PTPRN2: variants seen among roughly 807,000 people sequenced by gnomAD.
PTPRN2 encodes the protein receptor-type tyrosine-protein phosphatase N2.
In PTPRN2, 74 loss-of-function variants were observed where a neutral mutation model predicts 118.8. The observed-to-expected ratio is 0.62, with a 90% CI of 0.52 to 0.76. The LOEUF is 0.76. Among genes scored for constraint, PTPRN2 ranks in the 30% least tolerant of loss-of-function variants. PTPRN2 has a pLI of 0.00. For missense variants in PTPRN2, 1,481 were observed against 1,394.4 expected, an observed-to-expected ratio of 1.06 and a Z score of -0.99; for synonymous variants, 641 against 608.0, an observed-to-expected ratio of 1.05 and a Z score of -0.80.
intron 2 of PTPRN2, among the ~76,000 whole-genome samples, chr7:158,320,283 G>A (rs946477237): frequency 5.3e-5 from 8 of 152,274 alleles, no homozygotes; most frequent in Admixed American, 2.6e-4. Flanking sequence ...AGACCAACAC[G>A]AGTGACTGCT....
chr7:157,566,352 T>A (rs1799484496), intron 21 of PTPRN2, among the ~76,000 whole-genome samples: 1 of 152,228 alleles, frequency 6.6e-6, no homozygotes, highest in African/African-American at 2.4e-5. Flanking sequence ...AGTGGGGGCC[T>A]CCAGCTTCTC....
At chr7:157,672,167 C>A (rs550845856) in intron 13 of PTPRN2, among the ~76,000 whole-genome samples, 1 of 152,032 alleles carries the variant, frequency 6.6e-6, no homozygotes, top group South Asian at 2.1e-4. Context: ...CTGAAAACCC[C>A]CCCTGGAGAA....
intron 11 of PTPRN2, among the ~76,000 whole-genome samples, chr7:157,956,348 G>A (rs1346971153): frequency 1.3e-5 from 2 of 152,168 alleles, no homozygotes; most frequent in Non-Finnish European, 2.9e-5. Flanking sequence ...CATTTGGTGT[G>A]TGGACACAGG....
chr7:157,639,823 C>T (rs1298191433), intron 14 of PTPRN2, among the ~76,000 whole-genome samples: 1 of 152,244 alleles, frequency 6.6e-6, no homozygotes, highest in East Asian at 1.9e-4. Flanking sequence ...CCACAGGAAT[C>T]TCGTCTGTCA....
chr7:157,557,676 C>G (rs569270199), intron 21 of PTPRN2, among the ~76,000 whole-genome samples: 73 of 152,024 alleles, frequency 4.8e-4, no homozygotes, highest in Non-Finnish European at 6.6e-4. Context: ...TGCTGACCTT[C>G]TAGATAAATT....
At position 157,571,540 on chromosome 7, in the gene PTPRN2, T is replaced by C. The variant is rs111379610; in HGVS notation, c.2784-47A>G. 3 of 1,420,258 alleles carry C rather than the reference T, an allele frequency of 2.1e-6. No homozygotes were observed. In the Admixed American group the frequency reaches 6.0e-5, roughly 28 times the overall value. The allele number at this position is 1,420,258 out of a possible 1,614,324, so 88.0% of individuals were successfully genotyped here. A position where few individuals can be genotyped will look rare whatever the true frequency, so the allele number is the denominator to read the frequency against. ...AAATTATCGTTGTGTACTAAGACTTTGCGTTATCCAAAACAACTATTAAAA... is the reference window on the plus strand; with the variant it reads ...AAATTATCGTTGTGTACTAAGACTTCGCGTTATCCAAAACAACTATTAAAA... On this transcript the variant is annotated intron_variant, in intron 19 of 22. Coordinates refer to ENST00000389418, the MANE Select transcript of PTPRN2 (RefSeq NM_002847.5).
intron 12 of PTPRN2, among the ~76,000 whole-genome samples, chr7:157,897,538 C>T (rs1181379567): frequency 1.3e-5 from 2 of 152,240 alleles, no homozygotes; most frequent in East Asian, 3.9e-4. Flanking sequence ...ACAGGAGCAC[C>T]TGTCCGGGAC....
intron 6 of PTPRN2, among the ~76,000 whole-genome samples, chr7:158,149,785 C>T (rs936146839): frequency 1.3e-4 from 18 of 138,602 alleles, no homozygotes; most frequent in Admixed American, 1.1e-3. Flanking sequence ...GCCTGAGTGA[C>T]AGAGCAAGAG....
At chr7:157,582,426 A>C (rs1432381585) in intron 17 of PTPRN2, among the ~76,000 whole-genome samples, 1 of 152,226 alleles carries the variant, frequency 6.6e-6, no homozygotes, top group Non-Finnish European at 1.5e-5. Flanking sequence ...GCCATCAGGG[A>C]AATGCAAATC....
At chr7:158,125,345 G>A (rs1430908211) in intron 9 of PTPRN2, among the ~76,000 whole-genome samples, 1 of 143,340 alleles carries the variant, frequency 7.0e-6, no homozygotes, top group Non-Finnish European at 1.5e-5. Context: ...CCCTCCCACA[G>A]CCGCCCCCTG....
At chr7:158,532,253 C>T (rs1563404203) in intron 1 of PTPRN2, among the ~76,000 whole-genome samples, 1 of 152,190 alleles carries the variant, frequency 6.6e-6, no homozygotes, top group Non-Finnish European at 1.5e-5. Context: ...CACGACCTTG[C>T]TTTGTTATCT....
At chr7:157,891,684 C>A (rs962997139) in intron 12 of PTPRN2, among the ~76,000 whole-genome samples, 50 of 152,248 alleles carry the variant, frequency 3.3e-4, no homozygotes, top group African/African-American at 1.2e-3. Flanking sequence ...GCTACAGAAT[C>A]CTTTCTTGGA....
At chr7:157,734,905 T>G (rs1243559648) in intron 12 of PTPRN2, among the ~76,000 whole-genome samples, 1 of 152,164 alleles carries the variant, frequency 6.6e-6, no homozygotes, top group Non-Finnish European at 1.5e-5. Flanking sequence ...GATGTCGACG[T>G]GGGAGGCAAG....
chr7:157,845,500 C>T lies in PTPRN2; in HGVS notation c.1788+53173G>A, dbSNP rs1166491187. Among the ~76,000 whole-genome samples, 3 of 152,020 alleles carry T rather than the reference C, an allele frequency of 2.0e-5. No homozygotes were observed. The highest frequency in any genetic ancestry group is 2.9e-5 in the Non-Finnish European group (2 of 68,008). The stretch of plus-strand genomic sequence containing the variant: ...TTCCCGACCACACCCTGGTGAACCA[C>T]GCAGCCTAACTCAGCATGTTCCCGG... On this transcript the variant is annotated intron_variant, in intron 12 of 22. Transcript: ENST00000389418. This position sits in a 1 kb window ranked among gnomAD's most constrained non-coding sequence, Gnocchi z 4.5.
At chr7:157,915,711 CT>C (rs925526276) in intron 11 of PTPRN2, among the ~76,000 whole-genome samples, 1 of 152,142 alleles carries the variant, frequency 6.6e-6, no homozygotes, top group African/African-American at 2.4e-5. Context: ...GGAGAAGATT[CT>C]CAGAATAAAG....
intron 6 of PTPRN2, among the ~76,000 whole-genome samples, chr7:158,160,870 T>G (rs1822297287): frequency 6.6e-6 from 1 of 152,378 alleles, no homozygotes; most frequent in South Asian, 2.1e-4. Flanking sequence ...CTTATTTTAT[T>G]GTGTAAAATG....
intron 4 of PTPRN2, among the ~76,000 whole-genome samples, chr7:158,194,500 A>G (rs1392922157): frequency 6.6e-6 from 1 of 152,156 alleles, no homozygotes; most frequent in Non-Finnish European, 1.5e-5. Context: ...AGCGATGACC[A>G]ATCACTTCAG....
chr7:157,679,098 T>C (rs1235439727), intron 13 of PTPRN2, among the ~76,000 whole-genome samples: 1 of 152,134 alleles, frequency 6.6e-6, no homozygotes, highest in African/African-American at 2.4e-5. Context: ...CATGTGTGTA[T>C]AAATATATAT....
At chr7:158,435,894 A>C (rs1267019688) in intron 2 of PTPRN2, among the ~76,000 whole-genome samples, 2 of 152,186 alleles carry the variant, frequency 1.3e-5, no homozygotes, top group Non-Finnish European at 2.9e-5. Context: ...CCCAGAGAGA[A>C]GAATGGTGGT....
Sources: gnomAD v4.1 joint callset for allele counts (sites outside exome capture counted in the v4.1 genomes callset) on GRCh38, gnomAD v4.1.1 for gene constraint, Gnocchi (gnomAD v3.1) non-coding constraint, MANE v1.5 for transcripts, NCBI Gene and HGNC (gene_info 2026-07-23, HGNC 2026-07-21) for gene names.